The following TMTC2 variants were observed in gnomAD, a reference collection of about 807,000 sequenced individuals.
TMTC2 encodes the protein protein O-mannosyl-transferase TMTC2.
Under a neutral mutation model 82.4 loss-of-function variants are expected in TMTC2, and 43 were observed. The observed-to-expected ratio is 0.52, with a 90% CI of 0.41 to 0.67. The LOEUF (loss-of-function observed/expected upper bound fraction) is 0.67. TMTC2 is among the 30% of genes least tolerant of loss of function. The pLI is 0.00. For missense variants in TMTC2, 919 were observed against 1,012.4 expected, an observed-to-expected ratio of 0.91 and a Z score of 1.25; for synonymous variants, 408 against 381.9, an observed-to-expected ratio of 1.07 and a Z score of -0.80.
chr12:82,860,000 G>T (rs1871455940), intron 2 of TMTC2, among the ~76,000 whole-genome samples: 1 of 152,138 alleles, frequency 6.6e-6, no homozygotes, highest in Non-Finnish European at 1.5e-5. Context: ...TTGAGACCGA[G>T]TCTTGCCCTG....
chr12:83,027,575 G>A lies in TMTC2; in HGVS notation c.2071-3223G>A, dbSNP rs187754675. ...CTTGTAGTTGATGTTTCCAAGAACC[G>A]ACTGACCACATTAAGTGACGGCTTA... is the stretch of plus-strand genomic sequence containing the variant. On this transcript the variant is annotated intron_variant, in intron 8 of 11. Transcript: ENST00000321196. Among the ~76,000 whole-genome samples, 116 of 152,224 alleles carry A rather than the reference G, an allele frequency of 7.6e-4. No homozygotes were observed. The Middle Eastern group carries it at 0.01, about 13-fold the overall frequency.
intron 8 of TMTC2, among the ~76,000 whole-genome samples, chr12:83,008,257 C>T (rs138342531): frequency 1.9e-3 from 283 of 152,242 alleles, no homozygotes; most frequent in African/African-American, 6.0e-3. Flanking sequence ...AATTTGGGAA[C>T]GCCCTCAATC....
At chr12:82,778,035 T>C (rs1405778443) in intron 1 of TMTC2, among the ~76,000 whole-genome samples, 1 of 151,686 alleles carries the variant, frequency 6.6e-6, no homozygotes, top group African/African-American at 2.4e-5. Context: ...GATACAAGGA[T>C]TAAATTTGGT....
chr12:83,023,568 T>C (rs1881031492), intron 8 of TMTC2, among the ~76,000 whole-genome samples: 1 of 152,256 alleles, frequency 6.6e-6, no homozygotes, highest in Non-Finnish European at 1.5e-5. Flanking sequence ...CCATCTGATC[T>C]GAGCTGACAC....
intron 10 of TMTC2, among the ~76,000 whole-genome samples, chr12:83,059,618 A>G (rs575665540): frequency 6.6e-6 from 1 of 151,932 alleles, no homozygotes; most frequent in African/African-American, 2.4e-5. Flanking sequence ...AGCTTAAGAA[A>G]TTAAGTTTTC....
At chr12:82,739,512 A>G (rs1014596546) in intron 1 of TMTC2, among the ~76,000 whole-genome samples, 1 of 152,154 alleles carries the variant, frequency 6.6e-6, no homozygotes. Flanking sequence ...AACAAGGTAG[A>G]TGGAGTATGG....
intron 3 of TMTC2, among the ~76,000 whole-genome samples, chr12:82,905,393 TA>T (rs572762287): frequency 6.6e-6 from 1 of 152,182 alleles, no homozygotes; most frequent in Non-Finnish European, 1.5e-5. Context: ...CAATTTGATT[TA>T]AAAAAATATG....
At chr12:83,069,797 C>A (rs1883047824) in intron 11 of TMTC2, among the ~76,000 whole-genome samples, 1 of 150,214 alleles carries the variant, frequency 6.7e-6, no homozygotes. Context: ...TCAATATTAT[C>A]TTTTAGGATT....
rs1241033159 is a variant in TMTC2, at chr12:82,997,344, G to GTATATATATA, written c.2070+11299_2070+11300insATATATATAT. ...TGTGTCTGTGTGTGTGTGTGTGTGT[G>GTATATATATA]TGTGTATATATATATATATATGTGT... On this transcript the variant is annotated intron_variant, in intron 8 of 11. Coordinates refer to ENST00000321196, the MANE Select transcript of TMTC2 (RefSeq NM_152588.3). Among the ~76,000 whole-genome samples the GTATATATATA allele has an allele frequency of 1.8e-3, 37 of 21,044 alleles. 1 individual carries two copies. The highest frequency in any genetic ancestry group is 3.9e-3 in the African/African-American group (33 of 8,466). The allele number at this position is 21,044 out of a possible 152,430, so 13.8% of individuals were successfully genotyped here. A position where few individuals can be genotyped will look rare whatever the true frequency, so the allele number is the denominator to read the frequency against.
At chr12:82,856,696 A>G (rs1871273222) in intron 1 of TMTC2, among the ~76,000 whole-genome samples, 1 of 152,212 alleles carries the variant, frequency 6.6e-6, no homozygotes, top group Admixed American at 6.5e-5. Flanking sequence ...TTTAGCCAGT[A>G]TGTCACATGA....
intron 10 of TMTC2, among the ~76,000 whole-genome samples, chr12:83,060,425 T>C (rs1301557830): frequency 6.6e-6 from 1 of 151,740 alleles, no homozygotes; most frequent in East Asian, 1.9e-4. Context: ...TTTTAAAACT[T>C]GAATATGTTT....
intron 1 of TMTC2, among the ~76,000 whole-genome samples, chr12:82,821,771 G>A (rs1375220538): frequency 6.6e-6 from 1 of 151,940 alleles, no homozygotes; most frequent in Non-Finnish European, 1.5e-5. Context: ...CTACTCGGGA[G>A]GCTGAGGCAG....
In TMTC2 at chr12:83,134,411, T is replaced by C. The variant is rs1410800874; in HGVS notation, c.*2022T>C. 1 of 149,858 alleles carries C rather than the reference T, an allele frequency of 6.7e-6. No homozygotes were observed. The highest frequency in any genetic ancestry group is 1.5e-5 in the Non-Finnish European group (1 of 68,032). The allele number at this position is 149,858 out of a possible 1,614,324, so 9.3% of individuals were successfully genotyped here. Reference sequence around the variant, plus strand: ...CTAGTCTTAACATTTTATCTTTTTATTGTTGTTGTTCTTCCTTTCAAAGAT... The same window carrying C: ...CTAGTCTTAACATTTTATCTTTTTACTGTTGTTGTTCTTCCTTTCAAAGAT... On this transcript the variant is annotated 3_prime_UTR_variant, in exon 12 of 12. Transcript: ENST00000321196.
At chr12:83,123,504 A>G (rs1478752745) in intron 11 of TMTC2, among the ~76,000 whole-genome samples, 1 of 152,206 alleles carries the variant, frequency 6.6e-6, no homozygotes, top group African/African-American at 2.4e-5. Context: ...TCATTTCTGA[A>G]TTGGGAGTGT....
At chr12:82,806,808 A>AG (rs1436237090) in intron 1 of TMTC2, among the ~76,000 whole-genome samples, 1 of 152,090 alleles carries the variant, frequency 6.6e-6, no homozygotes, top group Non-Finnish European at 1.5e-5. Context: ...GAGGAAGAAG[A>AG]GGGGGGTTGG....
At chr12:82,910,337 ACTT>A (rs1874565750) in intron 3 of TMTC2, among the ~76,000 whole-genome samples, 1 of 152,264 alleles carries the variant, frequency 6.6e-6, no homozygotes, top group East Asian at 1.9e-4. Context: ...GGTGTGGCTC[ACTT>A]CTTCTGATCA....
intron 11 of TMTC2, among the ~76,000 whole-genome samples, chr12:83,075,600 C>T (rs750621522): frequency 6.6e-6 from 1 of 152,166 alleles, no homozygotes; most frequent in Non-Finnish European, 1.5e-5. Context: ...CAAATTAGCT[C>T]CTCAAATACA....
chr12:83,044,168 A>T (rs973304317), intron 9 of TMTC2, among the ~76,000 whole-genome samples: 1 of 152,196 alleles, frequency 6.6e-6, no homozygotes, highest in Non-Finnish European at 1.5e-5. Flanking sequence ...TAAATGCTGG[A>T]TAGGTTCTAG....
intron 1 of TMTC2, among the ~76,000 whole-genome samples, chr12:82,712,423 C>A (rs1483662431): frequency 1.8e-5 from 2 of 110,334 alleles, no homozygotes; most frequent in African/African-American, 7.1e-5. Context: ...GAGTGAAACT[C>A]CGTCTCAAAA....
Sources: gnomAD v4.1 joint callset for allele counts (sites outside exome capture counted in the v4.1 genomes callset) on GRCh38, gnomAD v4.1.1 for gene constraint, MANE v1.5 for transcripts, NCBI Gene and HGNC (gene_info 2026-07-23, HGNC 2026-07-21) for gene names.